Variants in CHODL observed in about 807,000 individuals in gnomAD.
CHODL encodes the protein chondrolectin, also known as transmembrane protein MT75.
Under a neutral mutation model 34.5 loss-of-function variants are expected in CHODL, and 29 were observed. That is an observed-to-expected ratio of 0.84 (90% CI 0.63 to 1.15). CHODL has a LOEUF of 1.15. Ranked by LOEUF, CHODL falls within the 50% of genes most tolerant of loss-of-function variation. CHODL has a pLI of 0.00. For synonymous variants in CHODL, 125 were observed against 116.1 expected (o/e 1.08, Z -0.49); for missense variants, 332 against 332.5 (o/e 1.00, Z 0.01).
intron 2 of CHODL, among the ~76,000 whole-genome samples, chr21:18,156,327 T>C (rs1400836935): frequency 6.6e-6 from 1 of 152,210 alleles, no homozygotes; most frequent in Non-Finnish European, 1.5e-5. Flanking sequence ...ATCTCACTTG[T>C]TCATTTTCGT....
chr21:18,075,895 T>G (rs2064859283), intron 2 of CHODL, among the ~76,000 whole-genome samples: 1 of 152,094 alleles, frequency 6.6e-6, no homozygotes, highest in African/African-American at 2.4e-5. Flanking sequence ...TAAAAGAGTC[T>G]CTAGAGAGAT....
intron 1 of CHODL, among the ~76,000 whole-genome samples, chr21:17,948,352 T>G (rs964793203): frequency 1.3e-5 from 2 of 151,532 alleles, no homozygotes; most frequent in Non-Finnish European, 2.9e-5. Context: ...AGAAAGATCT[T>G]AAATAAACAA....
intron 2 of CHODL, among the ~76,000 whole-genome samples, chr21:18,191,977 A>G (rs79038972): frequency 0.011 from 1,642 of 152,320 alleles, 65 homozygotes; most frequent in East Asian, 0.069. Context: ...TCATGTTGCA[A>G]ATGAAAGTCT....
At chr21:18,262,969 A>G (rs1443454050) in intron 5 of CHODL, 76 bp downstream of exon 5, 4 of 797,072 alleles carry the variant, frequency 5.0e-6, no homozygotes, top group Non-Finnish European at 8.5e-6. Context: ...AACTATTAGC[A>G]TAAAGTTAAT....
chr21:17,932,669 A>G (rs576235205), intron 1 of CHODL, among the ~76,000 whole-genome samples: 1 of 152,322 alleles, frequency 6.6e-6, no homozygotes, highest in East Asian at 1.9e-4. Context: ...GCATGGATGG[A>G]TTTGGAGGCC....
At chr21:18,151,123 C>T (rs1020547621) in intron 2 of CHODL, among the ~76,000 whole-genome samples, 1 of 150,886 alleles carries the variant, frequency 6.6e-6, no homozygotes, top group African/African-American at 2.4e-5. Flanking sequence ...ATTCTCTGAC[C>T]TACCTTGTCT....
chr21:18,195,794 T>G (rs114542280), intron 2 of CHODL, among the ~76,000 whole-genome samples: 120 of 152,318 alleles, frequency 7.9e-4, no homozygotes, highest in African/African-American at 2.8e-3. Context: ...TGTTCACCAC[T>G]GTATCCCCAG....
intron 2 of CHODL, among the ~76,000 whole-genome samples, chr21:18,117,381 C>T (rs2065425342): frequency 1.3e-5 from 2 of 152,192 alleles, no homozygotes; most frequent in Non-Finnish European, 2.9e-5. Flanking sequence ...TAAGGATCTG[C>T]TAACCATCTG....
chr21:18,130,982 G>A (rs1037115294), intron 2 of CHODL, among the ~76,000 whole-genome samples: 1 of 152,042 alleles, frequency 6.6e-6, no homozygotes, highest in Non-Finnish European at 1.5e-5. Context: ...TTTATTTATT[G>A]TCTTACAATT....
At chr21:18,092,061 C>T (rs2065080431) in intron 2 of CHODL, among the ~76,000 whole-genome samples, 1 of 152,148 alleles carries the variant, frequency 6.6e-6, no homozygotes, top group Admixed American at 6.5e-5. Context: ...GGGCAAGGTC[C>T]AGTGCTGTGC....
chr21:18,146,369 T>A (rs915469909), intron 2 of CHODL, among the ~76,000 whole-genome samples: 16 of 152,128 alleles, frequency 1.1e-4, no homozygotes, highest in African/African-American at 3.9e-4. Flanking sequence ...TCTTGAATTG[T>A]AATCTGAATT....
chr21:18,039,862 A>AT (rs1017408374), intron 2 of CHODL, among the ~76,000 whole-genome samples: 9 of 151,746 alleles, frequency 5.9e-5, no homozygotes, highest in South Asian at 4.1e-4. Flanking sequence ...ATGGATTGCT[A>AT]TTTTTTCTGC....
intron 2 of CHODL, among the ~76,000 whole-genome samples, chr21:18,230,602 G>A (rs1343595290): frequency 1.3e-5 from 2 of 152,082 alleles, no homozygotes; most frequent in African/African-American, 4.8e-5. Flanking sequence ...TAGAAACAAA[G>A]TGAAGGAAAT....
Position 17,977,387 on chromosome 21 carries a change from G to A in CHODL, c.-144-50485G>A, listed in dbSNP as rs1261846394. The stretch of plus-strand genomic sequence containing the variant: ...TACTTTTTTTTTTTTTTTTGAGATG[G>A]AGTCTCTCTCGCTCTGTCACCAGGC... On this transcript the variant is annotated intron_variant, in intron 1 of 6. Transcript: ENST00000400127. 5.9e-4 allele frequency among the ~76,000 whole-genome samples: 87 copies of A among 147,754 alleles called. 1 individual carries two copies. Among genetic ancestry groups the A allele is most frequent in the African/African-American group, 2.1e-3 (84 of 40,368 alleles).
At chr21:17,949,511 G>A (rs1042089253) in intron 1 of CHODL, among the ~76,000 whole-genome samples, 7 of 152,030 alleles carry the variant, frequency 4.6e-5, no homozygotes, top group African/African-American at 1.7e-4. Flanking sequence ...AAAAAAGTGG[G>A]GAAGAGATGA....
chr21:18,113,638 A>G (rs2065378159), intron 2 of CHODL, among the ~76,000 whole-genome samples: 1 of 152,186 alleles, frequency 6.6e-6, no homozygotes, highest in Non-Finnish European at 1.5e-5. Context: ...AGAACTTACT[A>G]TCACCAGAAT....
chr21:18,046,598 G>A (rs1443271707), intron 2 of CHODL, among the ~76,000 whole-genome samples: 1 of 151,918 alleles, frequency 6.6e-6, no homozygotes, highest in Non-Finnish European at 1.5e-5. Context: ...GGTACCCACT[G>A]TTGATAGTGG....
chr21:18,043,847 G>A (rs1044672824), intron 2 of CHODL, among the ~76,000 whole-genome samples: 2 of 151,942 alleles, frequency 1.3e-5, no homozygotes, highest in African/African-American at 4.8e-5. Flanking sequence ...AAGGCGAAAG[G>A]CATGTCTTCC....
chr21:17,935,193 A>T (rs2063309285), intron 1 of CHODL, among the ~76,000 whole-genome samples: 1 of 152,210 alleles, frequency 6.6e-6, no homozygotes, highest in Admixed American at 6.5e-5. Context: ...AGGGTTTCAT[A>T]TATGGCAGGT....
Sources: allele counts gnomAD v4.1 joint callset (sites outside exome capture counted in the v4.1 genomes callset), GRCh38; gene constraint gnomAD v4.1.1; transcripts MANE v1.5; gene names NCBI Gene and HGNC (gene_info 2026-07-23, HGNC 2026-07-21).